NLGN4X: variants seen among roughly 807,000 people sequenced by gnomAD.
The protein encoded by NLGN4X is neuroligin 4 X-linked, also known as neuroligin-4, X-linked.
In NLGN4X, 3 loss-of-function variants were observed where a neutral mutation model predicts 40.3. The observed-to-expected ratio is 0.07, with a 90% confidence interval of 0.03 to 0.19. The LOEUF (loss-of-function observed/expected upper bound fraction) is 0.19. Ranked by LOEUF, NLGN4X falls within the 10% of genes least tolerant of loss-of-function variation. The pLI is 1.00. For missense variants in NLGN4X, 382 were observed against 708.3 expected (o/e 0.54, Z 5.23); for synonymous variants, 270 against 306.8 (o/e 0.88, Z 1.25).
At chrX:6,124,834 A>G (rs2147594947) in intron 2 of NLGN4X, among the ~76,000 whole-genome samples, 1 of 112,584 alleles carries the variant, frequency 8.9e-6, no homozygotes, top group South Asian at 3.7e-4. Context: ...ATGTCTATGT[A>G]TGTGTAAATG....
chrX:6,041,880 G>A (rs1366860988), intron 2 of NLGN4X, among the ~76,000 whole-genome samples: 5 of 112,540 alleles, frequency 4.4e-5, no homozygotes, highest in African/African-American at 1.3e-4. Context: ...GATGAATACA[G>A]CCTTTACGTA....
intron 2 of NLGN4X, among the ~76,000 whole-genome samples, chrX:6,146,107 C>T (rs190659316): frequency 1.1e-4 from 12 of 107,055 alleles, no homozygotes; most frequent in African/African-American, 4.1e-4. Flanking sequence ...AGAGCAAGAT[C>T]CTGTTTCTAA....
intron 2 of NLGN4X, among the ~76,000 whole-genome samples, chrX:6,131,518 G>C (rs369727412): frequency 4.5e-5 from 5 of 112,358 alleles, no homozygotes; most frequent in Non-Finnish European, 9.4e-5. Context: ...TGTCTGCTTA[G>C]GCTGAATCAA....
intron 2 of NLGN4X, among the ~76,000 whole-genome samples, chrX:6,134,514 G>T (rs776317441): frequency 2.7e-5 from 3 of 112,205 alleles, no homozygotes; most frequent in Middle Eastern, 4.6e-3. Flanking sequence ...ATTCCAGTTA[G>T]TTGTGCATTT....
At chrX:5,951,443 T>C (rs1569149650) in intron 3 of NLGN4X, among the ~76,000 whole-genome samples, 2 of 111,515 alleles carry the variant, frequency 1.8e-5, no homozygotes, top group Non-Finnish European at 3.8e-5. Context: ...TTTCCTGCTC[T>C]CTCTGCTGGG....
chrX:6,209,997 C>T (rs528967799), intron 1 of NLGN4X, among the ~76,000 whole-genome samples: 3 of 111,503 alleles, frequency 2.7e-5, no homozygotes, highest in Non-Finnish European at 3.8e-5. Context: ...ATTACAGGAG[C>T]GAGCCATCAC....
intron 1 of NLGN4X, among the ~76,000 whole-genome samples, chrX:6,167,632 A>G (rs1311294117): frequency 8.9e-6 from 1 of 111,897 alleles, no homozygotes; most frequent in Non-Finnish European, 1.9e-5. Context: ...TCTACTCTTT[A>G]AGGCCCATGG....
At chrX:6,174,415 G>A (rs755010291) in intron 1 of NLGN4X, among the ~76,000 whole-genome samples, 1 of 112,054 alleles carries the variant, frequency 8.9e-6, no homozygotes, top group Non-Finnish European at 1.9e-5. Context: ...ATTTGACCCA[G>A]CAATCCCGTT....
chrX:5,903,838 G>A lies in NLGN4X; in HGVS notation c.840C>T (p.Ser280=), dbSNP rs181829040. The change falls in exon 5 of 6, where the codon AGC becomes AGT. Residue 280 remains serine, a synonymous_variant. Transcript: ENST00000381095. ...EGLFQKAIIQ[S]GTALSSWAVN... is the part of the protein sequence containing the mutation. ...CTGCCCAGCTGGACAGGGCGGTGCC[G>A]CTCTGAATGATGGCCTTCTGGAAGA... is the stretch of plus-strand genomic sequence containing the variant. 4.0e-5 allele frequency: 48 copies of A among 1,210,185 alleles called. No individual in the cohort carries two copies. The highest frequency in any genetic ancestry group is 1.8e-4 in the East Asian group (6 of 33,737).
At chrX:6,168,490 A>G (rs1189124049) in intron 1 of NLGN4X, among the ~76,000 whole-genome samples, 2 of 112,510 alleles carry the variant, frequency 1.8e-5, no homozygotes, top group Non-Finnish European at 3.7e-5. Context: ...GGGAGGACAT[A>G]TACTAATTCT....
intron 1 of NLGN4X, among the ~76,000 whole-genome samples, chrX:6,215,917 C>T (rs1044784829): frequency 4.6e-5 from 5 of 107,895 alleles, no homozygotes; most frequent in African/African-American, 1.7e-4. Context: ...TGCTCTGTCG[C>T]CCAGGCTGGA....
At chrX:6,102,643 TATACATACATAC>T (rs60184331) in intron 2 of NLGN4X, among the ~76,000 whole-genome samples, 2 of 104,412 alleles carry the variant, frequency 1.9e-5, no homozygotes, top group Non-Finnish European at 1.9e-5. Context: ...TTGATAGATA[TATACATACATAC>T]ATACATACAT....
intron 2 of NLGN4X, among the ~76,000 whole-genome samples, chrX:6,076,290 G>T (rs1461669711): frequency 8.9e-6 from 1 of 111,969 alleles, no homozygotes; most frequent in African/African-American, 3.2e-5. Context: ...CACCCAAAAT[G>T]TAAATACTCA....
chrX:6,164,758 AC>A (rs2040466222), intron 1 of NLGN4X, among the ~76,000 whole-genome samples: 1 of 111,498 alleles, frequency 9.0e-6, no homozygotes, highest in African/African-American at 3.3e-5. Context: ...CCATCTCACA[AC>A]CCTGGCTAGA....
intron 1 of NLGN4X, among the ~76,000 whole-genome samples, chrX:6,196,472 A>T (rs1923073672): frequency 1.0e-5 from 1 of 99,681 alleles, no homozygotes; most frequent in Non-Finnish European, 2.0e-5. Context: ...GAATGGCGTG[A>T]ACCCGGGAGG....
At chrX:5,929,322 C>G (rs1323589431) in intron 3 of NLGN4X, among the ~76,000 whole-genome samples, 3 of 109,805 alleles carry the variant, frequency 2.7e-5, no homozygotes, top group Admixed American at 9.8e-5. Context: ...CAAAAATTAG[C>G]CGGGCATGGT....
intron 1 of NLGN4X, among the ~76,000 whole-genome samples, chrX:6,210,254 GTGTGTGTGTGTGTGTGTGTGTA>G (rs1377850958): frequency 1.0e-5 from 1 of 99,412 alleles, no homozygotes; most frequent in African/African-American, 4.1e-5. Flanking sequence ...GTGTGTGTGT[GTGTGTGTGTGTGTGTGTGTGTA>G]TGTATGTAAT....
At chrX:5,977,965 T>C (rs2035225867) in intron 3 of NLGN4X, among the ~76,000 whole-genome samples, 1 of 112,223 alleles carries the variant, frequency 8.9e-6, no homozygotes, top group Non-Finnish European at 1.9e-5. Flanking sequence ...GAACCCTCTC[T>C]TTGAAGACCC....
intron 2 of NLGN4X, among the ~76,000 whole-genome samples, chrX:6,030,983 C>T (rs1262675963): frequency 1.8e-5 from 2 of 111,447 alleles, no homozygotes; most frequent in East Asian, 5.6e-4. Flanking sequence ...TAAAGTGCTC[C>T]CTTGGAAAAT....
Sources: allele counts gnomAD v4.1 joint callset (sites outside exome capture counted in the v4.1 genomes callset), GRCh38; gene constraint gnomAD v4.1.1; transcripts MANE v1.5; gene names NCBI Gene and HGNC (gene_info 2026-07-23, HGNC 2026-07-21).